Variants in MAP4K4 observed in about 807,000 individuals in gnomAD.
The protein encoded by MAP4K4 is HPK/GCK-like kinase HGK.
In MAP4K4, 38 loss-of-function variants were observed where a neutral mutation model predicts 189.6. That is an observed-to-expected ratio of 0.20 (90% confidence interval 0.15 to 0.26). The LOEUF is 0.26. Among genes scored for constraint, MAP4K4 ranks in the 10% least tolerant of loss-of-function variants. The pLI, the probability that MAP4K4 is intolerant of heterozygous loss-of-function variation, is 1.00. For missense variants in MAP4K4, 1,054 were observed against 1,726.9 expected (o/e 0.61, Z 6.91); for synonymous variants, 610 against 624.3 (o/e 0.98, Z 0.34).
At chr2:101,760,667 GT>G (rs1315185336) in intron 2 of MAP4K4, among the ~76,000 whole-genome samples, 2 of 151,880 alleles carry the variant, frequency 1.3e-5, no homozygotes, top group Non-Finnish European at 2.9e-5. Flanking sequence ...AAAAAATAAA[GT>G]TTGGAGAGGC....
intron 7 of MAP4K4, among the ~76,000 whole-genome samples, chr2:101,833,147 T>C (rs1441538638): frequency 3.3e-5 from 5 of 152,204 alleles, no homozygotes; most frequent in African/African-American, 9.7e-5. Flanking sequence ...AGGTCTCTCC[T>C]TTTTGTTGTA....
At chr2:101,823,341 A>ACTGGACGTAG (rs1416396901) in intron 3 of MAP4K4, among the ~76,000 whole-genome samples, 2 of 152,294 alleles carry the variant, frequency 1.3e-5, no homozygotes, top group African/African-American at 4.8e-5. Flanking sequence ...ACTGGGGCCC[A>ACTGGACGTAG]CTGGACGTAG....
intron 2 of MAP4K4, among the ~76,000 whole-genome samples, chr2:101,746,796 T>TTAGG (rs1377626221): frequency 1.3e-5 from 2 of 152,118 alleles, no homozygotes; most frequent in Non-Finnish European, 1.5e-5. Flanking sequence ...CTCCCTTGAC[T>TTAGG]TAGGTAGGTA....
intron 3 of MAP4K4, 94 bp downstream of exon 3, chr2:101,790,870 A>C (rs557372509): frequency 4.7e-5 from 52 of 1,113,556 alleles, no homozygotes; most frequent in Non-Finnish European, 6.4e-5. Context: ...GGAAAATCTG[A>C]TTACTTGAAC....
At chr2:101,716,478 A>T (rs1347106636) in intron 2 of MAP4K4, among the ~76,000 whole-genome samples, 3 of 151,478 alleles carry the variant, frequency 2.0e-5, no homozygotes, top group African/African-American at 7.3e-5. Flanking sequence ...AAAACTACAG[A>T]TGCTATTTTA....
intron 13 of MAP4K4, among the ~76,000 whole-genome samples, chr2:101,856,834 A>G (rs932442820): frequency 2.0e-5 from 3 of 152,312 alleles, no homozygotes; most frequent in East Asian, 1.9e-4. Context: ...GTGAGGACCA[A>G]TTTAAATAGC....
chr2:101,867,115 G>C, intron 19 of MAP4K4, 97 bp from the exon 20 acceptor site: 1 of 737,324 alleles, frequency 1.4e-6, no homozygotes, highest in Non-Finnish European at 2.3e-6. Context: ...ACCATGAGTG[G>C]GCAGACAGGA....
rs773029706 is a variant in MAP4K4, at chr2:101,859,895, G to T, written c.1704+31G>T. ...CTCTTTCCTTTGTCACTTAGACATT[G>T]CCCTGGAAAGTCGTATAACGACTCT... On this transcript the variant is annotated intron_variant, in intron 15 of 32. Transcript: ENST00000324219. 6 of 1,564,250 alleles carry T rather than the reference G, an allele frequency of 3.8e-6. No homozygotes were observed. The East Asian group carries it at 1.4e-4, about 37-fold the overall frequency.
chr2:101,834,491 C>T (rs1207299146), intron 8 of MAP4K4, 28 bp downstream of exon 8: 5 of 1,576,566 alleles, frequency 3.2e-6, no homozygotes, highest in Non-Finnish European at 4.3e-6. Flanking sequence ...CTTTTTAGCT[C>T]ACTTGTTACA....
At chr2:101,892,189 A>G (rs1255223609) in exon 33 of MAP4K4, 2 of 149,598 alleles carry the variant, frequency 1.3e-5, no homozygotes, top group Non-Finnish European at 3.0e-5. Flanking sequence ...AATTCAAACC[A>G]CATGTTTATT....
At chr2:101,874,202 G>A (rs528924487) in exon 26 of MAP4K4, 5 of 1,613,176 alleles carry the variant, frequency 3.1e-6, no homozygotes, top group African/African-American at 1.3e-5. Context: ...CCGGAGATTC[G>A]TAAATACAAG....
chr2:101,882,213 C>G (rs573717651), intron 27 of MAP4K4, among the ~76,000 whole-genome samples: 3 of 152,328 alleles, frequency 2.0e-5, no homozygotes, highest in Admixed American at 2.0e-4. Flanking sequence ...ATGAAATCAT[C>G]TTATTACTGT....
chr2:101,877,530 C>T (rs946398558), intron 27 of MAP4K4, among the ~76,000 whole-genome samples: 3 of 147,062 alleles, frequency 2.0e-5, no homozygotes, highest in Non-Finnish European at 4.4e-5. Flanking sequence ...GGCTGGAGTG[C>T]AGTGGCGCGA....
chr2:101,845,986 C>T (rs891858252), intron 12 of MAP4K4, among the ~76,000 whole-genome samples: 4 of 152,170 alleles, frequency 2.6e-5, no homozygotes, highest in Non-Finnish European at 4.4e-5. Flanking sequence ...TGGAATCTTT[C>T]ATTCACTTTG....
At chr2:101,707,631 G>A (rs1368616257) in intron 2 of MAP4K4, among the ~76,000 whole-genome samples, 4 of 151,420 alleles carry the variant, frequency 2.6e-5, no homozygotes, top group African/African-American at 7.3e-5. Context: ...TCCCACATCA[G>A]CCTCTTGAAT....
At position 101,723,920 on chromosome 2, in the gene MAP4K4, C is replaced by A. The variant is rs188546139; in HGVS notation, c.123+25382C>A. The stretch of plus-strand genomic sequence containing the variant: ...GACTCCTAGGGACAGGGGCTCCTGG[C>A]CACCATTGTTTACTATATCACTCAC... On this transcript the variant is annotated intron_variant, in intron 2 of 32. Coordinates refer to ENST00000324219, the Ensembl canonical transcript of MAP4K4. Among the ~76,000 whole-genome samples, 532 of 152,124 alleles carry A rather than the reference C, an allele frequency of 3.5e-3. 2 individuals are homozygous for A. Among genetic ancestry groups the A allele is most frequent in the African/African-American group, 0.012 (517 of 41,502 alleles).
intron 3 of MAP4K4, among the ~76,000 whole-genome samples, chr2:101,818,375 C>A (rs910024155): frequency 6.6e-6 from 1 of 152,092 alleles, no homozygotes; most frequent in Non-Finnish European, 1.5e-5. Flanking sequence ...TCGCCTTTTT[C>A]TTTTATCCAG....
At chr2:101,771,388 G>A (rs562417124) in intron 2 of MAP4K4, among the ~76,000 whole-genome samples, 7 of 152,136 alleles carry the variant, frequency 4.6e-5, no homozygotes, top group Non-Finnish European at 7.4e-5. Flanking sequence ...GCAGTGGAAC[G>A]GTGCCATTTT....
At chr2:101,725,116 G>A (rs563957857) in intron 2 of MAP4K4, among the ~76,000 whole-genome samples, 1 of 152,232 alleles carries the variant, frequency 6.6e-6, no homozygotes, top group African/African-American at 2.4e-5. Context: ...TTCACAGAAC[G>A]TGTCCTCATC....
Sources: gnomAD v4.1 joint callset for allele counts (sites outside exome capture counted in the v4.1 genomes callset) on GRCh38, gnomAD v4.1.1 for gene constraint, MANE v1.5 for transcripts, NCBI Gene and HGNC (gene_info 2026-07-23, HGNC 2026-07-21) for gene names.